Variants in SAMD4A observed in about 807,000 individuals in gnomAD.
SAMD4A encodes protein Smaug homolog 1.
Under a neutral mutation model 81.3 loss-of-function variants are expected in SAMD4A, and 33 were observed. The ratio of observed to expected loss-of-function variants is 0.41; its 90% CI spans 0.31 to 0.54. The LOEUF (loss-of-function observed/expected upper bound fraction) is 0.54. SAMD4A is among the 20% of genes least tolerant of loss of function. SAMD4A has a pLI of 0.37. For missense variants in SAMD4A, 854 were observed against 951.1 expected, an observed-to-expected ratio of 0.90 and a Z score of 1.34; for synonymous variants, 389 against 382.1, an observed-to-expected ratio of 1.02 and a Z score of -0.21.
intron 4 of SAMD4A, among the ~76,000 whole-genome samples, chr14:54,741,108 A>C (rs2037833503): frequency 6.6e-6 from 1 of 152,186 alleles, no homozygotes; most frequent in South Asian, 2.1e-4. Flanking sequence ...TCATTTCAAA[A>C]ACTTCACTGT....
At chr14:54,647,129 C>G (rs1167940753) in intron 2 of SAMD4A, among the ~76,000 whole-genome samples, 2 of 152,166 alleles carry the variant, frequency 1.3e-5, no homozygotes, top group African/African-American at 2.4e-5. Flanking sequence ...ACCTTTTCAT[C>G]TTGCTTTTAA....
At chr14:54,737,799 C>T (rs1245057063) in intron 4 of SAMD4A, among the ~76,000 whole-genome samples, 6 of 151,788 alleles carry the variant, frequency 4.0e-5, no homozygotes, top group African/African-American at 1.2e-4. Context: ...CCAAAGAAAC[C>T]TTTAAACCCT....
Position 54,768,294 on chromosome 14 carries a change from A to G in SAMD4A, c.1597-1810A>G, listed in dbSNP as rs75342050. Reference sequence around the variant, plus strand: ...ACAAAACCCCAGTGTGACACCTGTGAGTGGCATCTATTTGAACCGTTATTA... The same window carrying G: ...ACAAAACCCCAGTGTGACACCTGTGGGTGGCATCTATTTGAACCGTTATTA... On this transcript the variant is annotated intron_variant, in intron 8 of 12. Coordinates refer to ENST00000554335, the MANE Select transcript of SAMD4A (RefSeq NM_015589.6). Among the ~76,000 whole-genome samples, 1,271 of 152,320 alleles carry G rather than the reference A, an allele frequency of 8.3e-3. 19 individuals carry two copies. Among genetic ancestry groups the G allele is most frequent in the African/African-American group, 0.029 (1,203 of 41,562 alleles).
intron 2 of SAMD4A, among the ~76,000 whole-genome samples, chr14:54,606,909 C>A (rs898307432): frequency 5.3e-5 from 8 of 152,358 alleles, no homozygotes; most frequent in South Asian, 2.1e-4. Context: ...AAGATCTTCA[C>A]TGGGCTGTGT....
At chr14:54,572,773 A>T (rs1317788625) in intron 2 of SAMD4A, among the ~76,000 whole-genome samples, 1 of 152,226 alleles carries the variant, frequency 6.6e-6, no homozygotes, top group Admixed American at 6.5e-5. Flanking sequence ...TTACTTGTTA[A>T]TGATCCAGCA....
intron 4 of SAMD4A, among the ~76,000 whole-genome samples, chr14:54,741,386 A>T (rs761440826): frequency 6.6e-6 from 1 of 152,246 alleles, no homozygotes; most frequent in Non-Finnish European, 1.5e-5. Context: ...ACACGCTAAG[A>T]CTTAACAAAA....
chr14:54,783,789 C>T (rs1169516500), intron 11 of SAMD4A, among the ~76,000 whole-genome samples: 6 of 152,202 alleles, frequency 3.9e-5, no homozygotes, highest in Admixed American at 2.6e-4. Flanking sequence ...AAGCCCCCCA[C>T]GTGGTCTCAC....
chr14:54,764,180 C>A (rs535986773), intron 7 of SAMD4A, among the ~76,000 whole-genome samples: 2 of 152,326 alleles, frequency 1.3e-5, no homozygotes, highest in African/African-American at 4.8e-5. Flanking sequence ...CTGCTGTGTT[C>A]TTCCTCTTAT....
intron 9 of SAMD4A, among the ~76,000 whole-genome samples, chr14:54,771,987 A>C (rs2038718834): frequency 6.6e-6 from 1 of 152,202 alleles, no homozygotes. Context: ...GACCCCTTTT[A>C]ATTGATTAGA....
chr14:54,672,521 C>T (rs1224012392), intron 2 of SAMD4A, among the ~76,000 whole-genome samples: 2 of 152,146 alleles, frequency 1.3e-5, no homozygotes, highest in Non-Finnish European at 2.9e-5. Flanking sequence ...TGAGAGGGTG[C>T]CCTGTCATCC....
intron 6 of SAMD4A, among the ~76,000 whole-genome samples, chr14:54,754,047 G>T (rs1436634360): frequency 2.0e-5 from 3 of 152,210 alleles, no homozygotes; most frequent in African/African-American, 7.2e-5. Flanking sequence ...TTCTGGAGCA[G>T]CCTTGAGGAT....
At chr14:54,576,647 G>C (rs868433955) in intron 2 of SAMD4A, among the ~76,000 whole-genome samples, 8 of 152,230 alleles carry the variant, frequency 5.3e-5, no homozygotes, top group Admixed American at 1.3e-4. Flanking sequence ...GTGGGAAAGG[G>C]GGGAGATAGC....
upstream of SAMD4A, among the ~76,000 whole-genome samples, chr14:54,565,733 C>T (rs1042045595): frequency 6.6e-6 from 1 of 151,972 alleles, no homozygotes; most frequent in Non-Finnish European, 1.5e-5. This position sits in a 1 kb window ranked among gnomAD's most constrained non-coding sequence, Gnocchi z 5.4. Flanking sequence ...CGAGCGCCCT[C>T]GGGTCCCTTT....
chr14:54,605,152 G>A (rs1374416870), intron 2 of SAMD4A, among the ~76,000 whole-genome samples: 2 of 152,058 alleles, frequency 1.3e-5, no homozygotes, highest in Non-Finnish European at 2.9e-5. Context: ...TGTTTCACTT[G>A]ACAATTACAG....
chr14:54,705,906 C>T (rs531422861), intron 3 of SAMD4A, among the ~76,000 whole-genome samples: 2 of 152,140 alleles, frequency 1.3e-5, no homozygotes, highest in Non-Finnish European at 2.9e-5. Context: ...TTTCATATAA[C>T]AATTCATGAG....
intron 2 of SAMD4A, among the ~76,000 whole-genome samples, chr14:54,609,545 G>T (rs969622251): frequency 6.6e-6 from 1 of 152,192 alleles, no homozygotes; most frequent in Non-Finnish European, 1.5e-5. Context: ...TGCTCCTGAT[G>T]GTCACCTTGT....
chr14:54,687,642 T>A (rs767376948), intron 2 of SAMD4A, among the ~76,000 whole-genome samples: 26 of 151,872 alleles, frequency 1.7e-4, no homozygotes, highest in Non-Finnish European at 1.5e-5. Flanking sequence ...GGCAGCCAGG[T>A]CCCCTGGACA....
intron 2 of SAMD4A, among the ~76,000 whole-genome samples, chr14:54,588,359 T>G (rs2033681454): frequency 6.6e-6 from 1 of 152,120 alleles, no homozygotes; most frequent in Admixed American, 6.5e-5. Context: ...TTTGTATTTT[T>G]TTTTTGTTGT....
intron 8 of SAMD4A, among the ~76,000 whole-genome samples, chr14:54,766,649 G>A (rs1336445664): frequency 1.3e-5 from 2 of 152,170 alleles, no homozygotes; most frequent in Non-Finnish European, 2.9e-5. Flanking sequence ...GACATTTGTG[G>A]GTGGCTTGGG....
Sources: gnomAD v4.1 joint callset for allele counts (sites outside exome capture counted in the v4.1 genomes callset) on GRCh38, gnomAD v4.1.1 for gene constraint, Gnocchi (gnomAD v3.1) non-coding constraint, MANE v1.5 for transcripts, NCBI Gene and HGNC (gene_info 2026-07-23, HGNC 2026-07-21) for gene names.